The following GSTA2 variants were observed in gnomAD, a reference collection of about 807,000 sequenced individuals.
The protein encoded by GSTA2 is glutathione S-transferase A2.
GSTA2 carries 27 observed loss-of-function variants against 22.4 expected under a neutral mutation model. The ratio of observed to expected loss-of-function variants is 1.21; its 90% CI spans 0.89 to 1.67. The LOEUF is 1.67. GSTA2 is among the 40% of genes most tolerant of loss of function. The probability of loss-of-function intolerance (pLI) is 0.00; values close to 1 mark genes in which losing one functional copy is unlikely to be tolerated. For missense variants in GSTA2, 302 were observed against 260.2 expected, an observed-to-expected ratio of 1.16 and a Z score of -1.11; for synonymous variants, 121 against 86.8, an observed-to-expected ratio of 1.39 and a Z score of -2.19.
intron 1 of GSTA2, among the ~76,000 whole-genome samples, chr6:52,759,125 A>T (rs1414182071): frequency 1.3e-5 from 2 of 152,252 alleles, no homozygotes; most frequent in African/African-American, 4.8e-5. Flanking sequence ...AGAAAATATC[A>T]GTGAGCATGA....
chr6:52,753,700 A>T (rs1176989768), intron 4 of GSTA2, among the ~76,000 whole-genome samples: 1 of 152,212 alleles, frequency 6.6e-6, no homozygotes, highest in Non-Finnish European at 1.5e-5. Flanking sequence ...TACTTTTTAA[A>T]ACAAGAGCTT....
At chr6:52,754,243 T>C (rs931829878) in intron 4 of GSTA2, among the ~76,000 whole-genome samples, 1 of 152,222 alleles carries the variant, frequency 6.6e-6, no homozygotes, top group Admixed American at 6.5e-5. Flanking sequence ...ATATACTTGT[T>C]AGAGGAACTG....
chr6:52,755,503 A>G (rs1219232702), intron 3 of GSTA2, among the ~76,000 whole-genome samples: 1 of 152,144 alleles, frequency 6.6e-6, no homozygotes, highest in Non-Finnish European at 1.5e-5. Flanking sequence ...AAGCCACTGC[A>G]CCCAGTCCAA....
chr6:52,754,359 C>A (rs1394187016), intron 4 of GSTA2, among the ~76,000 whole-genome samples: 1 of 152,158 alleles, frequency 6.6e-6, no homozygotes, highest in Non-Finnish European at 1.5e-5. Flanking sequence ...AAGGAGACCC[C>A]TTGGCTTTGC....
At chr6:52,763,038 A>T (rs1762977574) in intron 1 of GSTA2, among the ~76,000 whole-genome samples, 1 of 152,200 alleles carries the variant, frequency 6.6e-6, no homozygotes, top group Non-Finnish European at 1.5e-5. Context: ...CTTAGTTTTG[A>T]ATTTTCACAG....
intron 4 of GSTA2, among the ~76,000 whole-genome samples, chr6:52,754,567 C>T (rs1231177315): frequency 1.3e-5 from 2 of 152,154 alleles, no homozygotes; most frequent in East Asian, 3.8e-4. Context: ...CCTCCCCAGT[C>T]CTTCATCTAC....
At chr6:52,751,466 A>G (rs557230994) in intron 6 of GSTA2, 111 bp downstream of exon 6, 17 of 1,592,284 alleles carry the variant, frequency 1.1e-5, no homozygotes, top group East Asian at 2.2e-5. Flanking sequence ...TTGGGGCACC[A>G]AAGGCCTGGA....
intron 3 of GSTA2, 68 bp from the exon 4 acceptor site, chr6:52,755,143 A>C: frequency 6.3e-7 from 1 of 1,584,922 alleles, no homozygotes; most frequent in Non-Finnish European, 8.6e-7. Flanking sequence ...ATGAAAAAAA[A>C]TGGTTGTTGA....
intron 1 of GSTA2, among the ~76,000 whole-genome samples, chr6:52,760,596 T>C (rs1377723127): frequency 6.6e-6 from 1 of 152,096 alleles, no homozygotes; most frequent in East Asian, 1.9e-4. Context: ...ACGTGGTGAG[T>C]GTTGGGTCAG....
At chr6:52,751,902 G>A (rs923970300) in intron 5 of GSTA2, among the ~76,000 whole-genome samples, 194 bp from the exon 6 acceptor site, 1 of 152,180 alleles carries the variant, frequency 6.6e-6, no homozygotes, top group Non-Finnish European at 1.5e-5. Flanking sequence ...CTCCTCAGTT[G>A]GAGCTCAGCC....
intron 2 of GSTA2, 85 bp from the exon 3 acceptor site, chr6:52,756,394 A>G: frequency 1.9e-6 from 2 of 1,076,926 alleles, no homozygotes; most frequent in East Asian, 2.4e-5. Flanking sequence ...CTGGTGCATC[A>G]TTTGGAGAAT....
At chr6:52,758,693 A>G (rs1187525943) in intron 1 of GSTA2, among the ~76,000 whole-genome samples, 1 of 152,234 alleles carries the variant, frequency 6.6e-6, no homozygotes, top group Non-Finnish European at 1.5e-5. Flanking sequence ...TTCTTTCAAG[A>G]GACAGAGATT....
intron 2 of GSTA2, among the ~76,000 whole-genome samples, chr6:52,757,553 T>A (rs1203923923): frequency 6.6e-6 from 1 of 152,202 alleles, no homozygotes; most frequent in East Asian, 1.9e-4. Flanking sequence ...AAATATTCAA[T>A]CGATATTTGT....
chr6:52,751,994 T>C (rs559014390), intron 5 of GSTA2, among the ~76,000 whole-genome samples: 15 of 152,318 alleles, frequency 9.8e-5, no homozygotes, highest in African/African-American at 3.6e-4. Flanking sequence ...GCCAAGGGCT[T>C]AGCACCTGCC....
Position 52,755,924 on chromosome 6 carries a change from T to G in GSTA2, c.139+334A>C, listed in dbSNP as rs528121459. Among the ~76,000 whole-genome samples the G allele has an allele frequency of 7.9e-5, 12 of 152,302 alleles. No individual in the cohort carries two copies. The East Asian group carries it at 2.3e-3, about 29-fold the overall frequency. On this transcript the variant is annotated intron_variant, in intron 3 of 6. Transcript: ENST00000493422. Reference sequence around the variant, plus strand: ...TCCTCCTTTTGTCTAATGCATGTTCTTGCATGTGCTTGGATGGAGAGGGCT... The same window carrying G: ...TCCTCCTTTTGTCTAATGCATGTTCGTGCATGTGCTTGGATGGAGAGGGCT...
intron 6 of GSTA2, among the ~76,000 whole-genome samples, chr6:52,751,189 C>T (rs577799491): frequency 1.3e-5 from 2 of 152,124 alleles, no homozygotes; most frequent in South Asian, 4.2e-4. Context: ...ACAGCAGGAG[C>T]CGGAGCCCAG....
At chr6:52,755,474 A>G (rs1762823366) in intron 3 of GSTA2, among the ~76,000 whole-genome samples, 1 of 152,182 alleles carries the variant, frequency 6.6e-6, no homozygotes, top group South Asian at 2.1e-4. Flanking sequence ...TCAGCCTCCC[A>G]AATTGGGATT....
chr6:52,759,935 A>G (rs1016205261), intron 1 of GSTA2, among the ~76,000 whole-genome samples: 1 of 152,146 alleles, frequency 6.6e-6, no homozygotes, highest in African/African-American at 2.4e-5. Flanking sequence ...AGGCATCAAA[A>G]TCTTTTAAAT....
intron 1 of GSTA2, among the ~76,000 whole-genome samples, chr6:52,761,678 C>T (rs940978721): frequency 2.0e-5 from 3 of 150,384 alleles, no homozygotes; most frequent in African/African-American, 4.8e-5. Flanking sequence ...CTTGCTTAGC[C>T]CCATGAGGTC....
Sources: gnomAD v4.1 joint callset for allele counts (sites outside exome capture counted in the v4.1 genomes callset) on GRCh38, gnomAD v4.1.1 for gene constraint, MANE v1.5 for transcripts, NCBI Gene and HGNC (gene_info 2026-07-23, HGNC 2026-07-21) for gene names.